The following C12orf75 variants were observed in gnomAD, a reference collection of about 807,000 sequenced individuals.
C12orf75 encodes overexpressed in colon carcinoma 1 protein.
In C12orf75, 4 loss-of-function variants were observed where a neutral mutation model predicts 11.4. That is an observed-to-expected ratio of 0.35 (90% CI 0.17 to 0.80). The LOEUF is 0.80. Ranked by LOEUF, C12orf75 falls within the 30% of genes least tolerant of loss-of-function variation. The pLI, the probability that C12orf75 is intolerant of heterozygous loss-of-function variation, is 0.52. For synonymous variants in C12orf75, 30 were observed against 30.0 expected (o/e 1.00, Z 0.00); for missense variants, 89 against 80.4 (o/e 1.11, Z -0.41).
At chr12:105,359,825 G>A (rs886909596) in intron 2 of C12orf75, among the ~76,000 whole-genome samples, 10 of 151,602 alleles carry the variant, frequency 6.6e-5, no homozygotes, top group African/African-American at 1.9e-4. Context: ...ATTTATCCTG[G>A]TTGCTGTATG....
intron 1 of C12orf75, among the ~76,000 whole-genome samples, chr12:105,345,426 G>T (rs1892626092): frequency 6.6e-6 from 1 of 151,758 alleles, no homozygotes; most frequent in Non-Finnish European, 1.5e-5. Context: ...GGAGGCGGAG[G>T]TTGCAGTGAG....
intron 1 of C12orf75, among the ~76,000 whole-genome samples, chr12:105,331,488 G>A (rs1892423116): frequency 1.3e-5 from 2 of 152,060 alleles, no homozygotes; most frequent in South Asian, 4.1e-4. Flanking sequence ...AAGACCGGCT[G>A]GGCTGCTCTT....
intron 1 of C12orf75, among the ~76,000 whole-genome samples, chr12:105,338,845 C>T (rs1464939344): frequency 2.0e-5 from 3 of 152,124 alleles, no homozygotes; most frequent in Non-Finnish European, 4.4e-5. Context: ...CCCTATGGCC[C>T]AAACACCTCC....
chr12:105,348,336 G>A (rs577692434), intron 1 of C12orf75, among the ~76,000 whole-genome samples: 1 of 150,836 alleles, frequency 6.6e-6, no homozygotes, highest in South Asian at 2.1e-4. Flanking sequence ...GATCACTTGA[G>A]CCCAGGAGGC....
chr12:105,364,922 A>G (rs540250678), intron 2 of C12orf75, among the ~76,000 whole-genome samples: 10 of 149,034 alleles, frequency 6.7e-5, no homozygotes, highest in African/African-American at 2.2e-4. Flanking sequence ...GCTCACTGCA[A>G]CCTCCACCTC....
rs958270430 is a variant in C12orf75 at position 105,365,873 on chromosome 12, T to G, written c.107+31T>G. On this transcript the variant is annotated intron_variant, in intron 3 of 5. Transcript: ENST00000443585. ...TTTGGTATTGCAGCTGGCTTTAGTT[T>G]GAATGGTTTTGGCCATACCTCATGG... 5.5e-6 allele frequency: 8 copies of G among 1,467,828 alleles called. No homozygotes were observed. The African/African-American group carries it at 8.4e-5, about 15-fold the overall frequency. 90.9% of individuals were successfully genotyped at this position (1,467,828 alleles called of 1,614,324 possible).
intron 5 of C12orf75, among the ~76,000 whole-genome samples, chr12:105,369,946 T>TTTG (rs529326026): frequency 2.0e-5 from 3 of 152,188 alleles, no homozygotes; most frequent in South Asian, 4.2e-4. Flanking sequence ...TGGAGACACT[T>TTTG]TTGTTGTTGT....
chr12:105,358,749 T>C (rs1892820496), intron 2 of C12orf75, among the ~76,000 whole-genome samples: 1 of 152,196 alleles, frequency 6.6e-6, no homozygotes, highest in African/African-American at 2.4e-5. Context: ...AAAAACAAGC[T>C]TATTACACAA....
intron 2 of C12orf75, among the ~76,000 whole-genome samples, chr12:105,355,863 G>T (rs199813972): frequency 0.013 from 1 of 76 alleles, no homozygotes. Context: ...GAGAATAACT[G>T]GGGGGAGGAG....
intron 1 of C12orf75, 61 bp downstream of exon 1, chr12:105,330,998 G>A (rs1326632477): frequency 1.6e-5 from 17 of 1,056,276 alleles, no homozygotes; most frequent in Non-Finnish European, 2.1e-5. Context: ...GGGAAGGAAG[G>A]GTGCAGGGAT....
At chr12:105,339,641 G>A (rs899788638) in intron 1 of C12orf75, among the ~76,000 whole-genome samples, 1 of 150,592 alleles carries the variant, frequency 6.6e-6, no homozygotes, top group East Asian at 1.9e-4. Flanking sequence ...TTTTTGAGAC[G>A]GAGTCTTGCT....
At chr12:105,344,778 G>A (rs1385354860) in intron 1 of C12orf75, among the ~76,000 whole-genome samples, 2 of 150,740 alleles carry the variant, frequency 1.3e-5, no homozygotes, top group Admixed American at 6.6e-5. Context: ...GAGGACTCAT[G>A]GTCCACATTA....
intron 1 of C12orf75, 102 bp downstream of exon 1, chr12:105,331,039 C>A: frequency 1.3e-6 from 1 of 753,262 alleles, no homozygotes; most frequent in Non-Finnish European, 1.8e-6. Context: ...CCCCCTCTCC[C>A]CGTCCCCATT....
At chr12:105,368,342 G>A (rs1344585587) in intron 5 of C12orf75, among the ~76,000 whole-genome samples, 3 of 152,116 alleles carry the variant, frequency 2.0e-5, no homozygotes, top group African/African-American at 4.8e-5. Flanking sequence ...GATTAGGAAC[G>A]TCCTATCTCC....
chr12:105,368,101 T>C (rs1216602471), intron 5 of C12orf75, among the ~76,000 whole-genome samples: 1 of 142,136 alleles, frequency 7.0e-6, no homozygotes, highest in Non-Finnish European at 1.5e-5. Flanking sequence ...GGCAAAGAGC[T>C]AGGAGTTAGA....
chr12:105,366,583 A>G, intron 3 of C12orf75, 34 bp from the exon 4 acceptor site: 2 of 1,046,530 alleles, frequency 1.9e-6, no homozygotes, highest in Non-Finnish European at 2.9e-6. Flanking sequence ...AATAGATAGT[A>G]CCATTTAAAT....
chr12:105,332,545 A>G (rs1357267168), intron 1 of C12orf75, among the ~76,000 whole-genome samples: 1 of 152,086 alleles, frequency 6.6e-6, no homozygotes, highest in Non-Finnish European at 1.5e-5. Context: ...CAGTGTAACC[A>G]ACATGGTGAA....
chr12:105,366,774 T>G, intron 4 of C12orf75, 78 bp downstream of exon 4: 1 of 866,672 alleles, frequency 1.2e-6, no homozygotes, highest in South Asian at 1.5e-5. Context: ...AATTTATATT[T>G]CAGCTTACTC....
At chr12:105,332,500 G>A (rs1003736279) in intron 1 of C12orf75, among the ~76,000 whole-genome samples, 2 of 152,108 alleles carry the variant, frequency 1.3e-5, no homozygotes, top group Non-Finnish European at 2.9e-5. Flanking sequence ...GGGAGGCTGG[G>A]GTGGGTGGAT....
Sources: allele counts gnomAD v4.1 joint callset (sites outside exome capture counted in the v4.1 genomes callset), GRCh38; gene constraint gnomAD v4.1.1; transcripts MANE v1.5; gene names NCBI Gene and HGNC (gene_info 2026-07-23, HGNC 2026-07-21).